Variants in WDSUB1 observed in about 807,000 individuals in gnomAD.
WDSUB1 encodes the protein WD repeat, SAM and U-box domain-containing protein 1.
A neutral mutation model predicts 53.9 loss-of-function variants in WDSUB1; 49 were observed. The observed-to-expected ratio is 0.91, with a 90% CI of 0.72 to 1.15. WDSUB1 has a LOEUF of 1.15. WDSUB1 is among the 50% of genes most tolerant of loss of function. The pLI, the probability that WDSUB1 is intolerant of heterozygous loss-of-function variation, is 0.00. For synonymous variants in WDSUB1, 194 were observed against 200.6 expected, an observed-to-expected ratio of 0.97 and a Z score of 0.28; for missense variants, 514 against 562.0, an observed-to-expected ratio of 0.91 and a Z score of 0.86.
chr2:159,248,195 C>G (rs1033483700), intron 10 of WDSUB1, among the ~76,000 whole-genome samples, 177 bp downstream of exon 10: 1 of 152,048 alleles, frequency 6.6e-6, no homozygotes, highest in Non-Finnish European at 1.5e-5. Context: ...TCCACAACTA[C>G]TCTGTTCAAT....
At chr2:159,280,591 T>C (rs2061639520) in intron 2 of WDSUB1, among the ~76,000 whole-genome samples, 1 of 142,312 alleles carries the variant, frequency 7.0e-6, no homozygotes, top group Non-Finnish European at 1.5e-5. Flanking sequence ...CTTGGGAGGC[T>C]GAGGCAGGAG....
intron 3 of WDSUB1, among the ~76,000 whole-genome samples, chr2:159,277,201 C>T (rs1298173117): frequency 6.6e-6 from 1 of 152,162 alleles, no homozygotes; most frequent in Non-Finnish European, 1.5e-5. Flanking sequence ...CTCCATGGGA[C>T]TTCCATATTT....
At chr2:159,268,525 G>C (rs185719865) in intron 5 of WDSUB1, among the ~76,000 whole-genome samples, 1 of 152,232 alleles carries the variant, frequency 6.6e-6, no homozygotes, top group Non-Finnish European at 1.5e-5. Context: ...GGAGCATATG[G>C]AAAAAAAGAA....
At chr2:159,281,002 C>T (rs2061652747) in intron 2 of WDSUB1, among the ~76,000 whole-genome samples, 1 of 152,082 alleles carries the variant, frequency 6.6e-6, no homozygotes, top group South Asian at 2.1e-4. Flanking sequence ...GGATTTCATG[C>T]ATATAAAAAA....
chr2:159,236,463 G>C (rs1184757077), intron 10 of WDSUB1, among the ~76,000 whole-genome samples: 1 of 152,130 alleles, frequency 6.6e-6, no homozygotes, highest in Non-Finnish European at 1.5e-5. Flanking sequence ...GTCAAATTCA[G>C]ACACAGTGGA....
chr2:159,252,905 A>G (rs550975533), intron 9 of WDSUB1, among the ~76,000 whole-genome samples: 2 of 152,374 alleles, frequency 1.3e-5, no homozygotes, highest in African/African-American at 4.8e-5. Flanking sequence ...TTAGGCATCT[A>G]TGGTTGATAA....
At chr2:159,266,308 C>G (rs2061347658) in intron 5 of WDSUB1, among the ~76,000 whole-genome samples, 1 of 152,062 alleles carries the variant, frequency 6.6e-6, no homozygotes, top group African/African-American at 2.4e-5. Flanking sequence ...CCTGCCTCAG[C>G]CTCCCGAGTA....
At position 159,242,630 on chromosome 2, in the gene WDSUB1, G is replaced by A. The variant is rs555444799; in HGVS notation, c.1273+5742C>T. Among the ~76,000 whole-genome samples, 102 of 147,660 alleles carry A rather than the reference G, an allele frequency of 6.9e-4. 7 individuals carry two copies. The highest frequency in any genetic ancestry group is 6.2e-4 in the Non-Finnish European group (42 of 67,914). ...AGATTGTGCCATTGCACTCCAGTCT[G>A]GGCAACAAGAGCGAAACTCCCTCTC... is the stretch of plus-strand genomic sequence containing the variant. On this transcript the variant is annotated intron_variant, in intron 10 of 10. Transcript: ENST00000359774.
intron 2 of WDSUB1, among the ~76,000 whole-genome samples, chr2:159,280,708 A>AAAAAAAAAAAAAAACAAAAAAAC (rs111752652): frequency 3.0e-5 from 4 of 134,320 alleles, no homozygotes; most frequent in African/African-American, 1.3e-4. Context: ...AAAAAAAAAA[A>AAAAAAAAAAAAAAACAAAAAAAC]ATTACCCAGA....
intron 8 of WDSUB1, among the ~76,000 whole-genome samples, chr2:159,256,868 T>G (rs115686952): frequency 6.6e-6 from 1 of 152,180 alleles, no homozygotes; most frequent in Non-Finnish European, 1.5e-5. Context: ...TATATTTACC[T>G]GAAAAATTAG....
rs869067609 is a variant in WDSUB1, at chr2:159,261,896, ATTTTTTTTTTTTTTTTTTT to A, written c.771-2072_771-2054del. On this transcript the variant is annotated intron_variant, in intron 5 of 10. Coordinates refer to ENST00000359774, the MANE Select transcript of WDSUB1 (RefSeq NM_001128212.3). ...TATATATATATATATATATATATAT[ATTTTTTTTTTTTTTTTTTT>A]TTTTTTTTTTTTTTAAATAAATGAA... 9.3e-3 allele frequency among the ~76,000 whole-genome samples: 209 copies of A among 22,548 alleles called. 4 individuals carry two copies. Among genetic ancestry groups the A allele is most frequent in the African/African-American group, 0.017 (59 of 3,552 alleles). The allele number at this position is 22,548 out of a possible 152,430, so 14.8% of individuals were successfully genotyped here.
At chr2:159,240,325 T>C (rs2060611007) in intron 10 of WDSUB1, among the ~76,000 whole-genome samples, 1 of 152,226 alleles carries the variant, frequency 6.6e-6, no homozygotes, top group Non-Finnish European at 1.5e-5. Context: ...CTAATAATGC[T>C]GCTATGCCTG....
intron 5 of WDSUB1, among the ~76,000 whole-genome samples, chr2:159,262,385 C>G (rs1239776548): frequency 6.6e-6 from 1 of 152,040 alleles, no homozygotes; most frequent in Non-Finnish European, 1.5e-5. Flanking sequence ...CCCAAGGAAT[C>G]TGGACGATTT....
chr2:159,276,681 T>C (rs2061548257), intron 3 of WDSUB1, among the ~76,000 whole-genome samples: 1 of 152,146 alleles, frequency 6.6e-6, no homozygotes, highest in Non-Finnish European at 1.5e-5. Context: ...ATATCACAAG[T>C]AGTTTCATCA....
chr2:159,237,026 C>T (rs937014185), intron 10 of WDSUB1, among the ~76,000 whole-genome samples: 6 of 152,158 alleles, frequency 3.9e-5, no homozygotes, highest in South Asian at 4.1e-4. Flanking sequence ...GTAGCTCTTT[C>T]TCAAGCTGAA....
chr2:159,251,583 T>C (rs2060952192), intron 9 of WDSUB1, among the ~76,000 whole-genome samples: 2 of 152,160 alleles, frequency 1.3e-5, no homozygotes, highest in South Asian at 2.1e-4. Flanking sequence ...ATAAGTCTTA[T>C]ACACTTAATT....
rs755559005 is a variant in WDSUB1 at position 159,236,198 on chromosome 2, A to T, written c.1274-8T>A. On this transcript the variant is annotated splice_region_variant and splice_polypyrimidine_tract_variant and intron_variant, in intron 10 of 10. Coordinates refer to ENST00000359774, the MANE Select transcript of WDSUB1 (RefSeq NM_001128212.3). ...TTTCATATGAATAGCCATCTAAAAAAAAAAAATCACACAAATTACATGATG... is the reference window on the plus strand; with the variant it reads ...TTTCATATGAATAGCCATCTAAAAATAAAAAATCACACAAATTACATGATG... The T allele has an allele frequency of 1.9e-6, 3 of 1,591,518 alleles. No individual in the cohort carries two copies. Among genetic ancestry groups the T allele is most frequent in the Non-Finnish European group, 2.6e-6 (3 of 1,172,434 alleles).
chr2:159,247,726 T>C (rs539456402), intron 10 of WDSUB1, among the ~76,000 whole-genome samples: 11 of 150,852 alleles, frequency 7.3e-5, no homozygotes, highest in Admixed American at 4.7e-4. Flanking sequence ...GTGTAAAGAT[T>C]TGCAAGCACA....
At chr2:159,251,445 CCTT>C (rs766219014) in intron 9 of WDSUB1, among the ~76,000 whole-genome samples, 1 of 152,170 alleles carries the variant, frequency 6.6e-6, no homozygotes, top group Non-Finnish European at 1.5e-5. Flanking sequence ...TGGGCATTAT[CCTT>C]CTCCAATCCT....
Sources: allele counts gnomAD v4.1 joint callset (sites outside exome capture counted in the v4.1 genomes callset), GRCh38; gene constraint gnomAD v4.1.1; transcripts MANE v1.5; gene names NCBI Gene and HGNC (gene_info 2026-07-23, HGNC 2026-07-21).